PTPRG: variants seen among roughly 807,000 people sequenced by gnomAD.
PTPRG encodes the protein receptor-type tyrosine-protein phosphatase gamma.
In PTPRG, 102 loss-of-function variants were observed where a neutral mutation model predicts 165.3. The ratio of observed to expected loss-of-function variants is 0.62; its 90% CI spans 0.53 to 0.73. PTPRG has a LOEUF of 0.73. PTPRG is among the 30% of genes least tolerant of loss of function. The pLI, the probability that PTPRG is intolerant of heterozygous loss-of-function variation, is 0.00. For missense variants in PTPRG, 1,866 were observed against 1,861.4 expected, an observed-to-expected ratio of 1.00 and a Z score of -0.05; for synonymous variants, 675 against 669.5, an observed-to-expected ratio of 1.01 and a Z score of -0.13.
At chr3:61,629,214 G>C (rs1356178167) in intron 1 of PTPRG, among the ~76,000 whole-genome samples, 1 of 152,078 alleles carries the variant, frequency 6.6e-6, no homozygotes, top group African/African-American at 2.4e-5. Context: ...GAGTGCAATG[G>C]CGCAATTTCA....
In PTPRG at chr3:62,179,470, A is replaced by G. The variant is rs183816600; in HGVS notation, c.1033+11307A>G. Among the ~76,000 whole-genome samples, 513 of 152,356 alleles carry G rather than the reference A, an allele frequency of 3.4e-3. 1 individual carries two copies. Among genetic ancestry groups the G allele is most frequent in the Non-Finnish European group, 5.9e-3 (403 of 68,036 alleles). On this transcript the variant is annotated intron_variant, in intron 8 of 29. Transcript: ENST00000474889. ...CAGGTATTATCAGGTGCACAGAGCT[A>G]TGCAATTCTTTGCTTCCGGGCTGGC...
chr3:61,765,039 A>G (rs13064778), intron 2 of PTPRG, among the ~76,000 whole-genome samples: 54 of 152,244 alleles, frequency 3.5e-4, no homozygotes, highest in Non-Finnish European at 7.3e-4. Flanking sequence ...AAGGCTCACC[A>G]GAATCCATCG....
intron 2 of PTPRG, among the ~76,000 whole-genome samples, chr3:61,755,199 G>T (rs1180234403): frequency 2.0e-5 from 3 of 152,082 alleles, no homozygotes; most frequent in Admixed American, 2.0e-4. Flanking sequence ...GTAGAGTTGG[G>T]GTTTCGCCCT....
At chr3:62,283,177 G>A (rs145273344) in intron 28 of PTPRG, among the ~76,000 whole-genome samples, 1 of 152,068 alleles carries the variant, frequency 6.6e-6, no homozygotes, top group Non-Finnish European at 1.5e-5. Flanking sequence ...TAACAAATGA[G>A]TAAATTAATA....
At chr3:61,678,313 C>T (rs139845757) in intron 1 of PTPRG, among the ~76,000 whole-genome samples, 10 of 152,230 alleles carry the variant, frequency 6.6e-5, no homozygotes, top group African/African-American at 7.2e-5. Context: ...ATGAAGGAAG[C>T]GATAGATATT....
At chr3:62,102,796 T>G (rs1465576547) in intron 5 of PTPRG, among the ~76,000 whole-genome samples, 3 of 152,180 alleles carry the variant, frequency 2.0e-5, no homozygotes, top group Non-Finnish European at 1.5e-5. Flanking sequence ...ATCAGGAGCA[T>G]TGGTTAGGAA....
intron 1 of PTPRG, among the ~76,000 whole-genome samples, chr3:61,653,650 G>A (rs933100558): frequency 2.6e-5 from 4 of 152,102 alleles, no homozygotes; most frequent in Admixed American, 2.6e-4. Context: ...TCTTTGTTTT[G>A]TTAGGATTCG....
At chr3:61,655,943 T>G (rs1702496620) in intron 1 of PTPRG, among the ~76,000 whole-genome samples, 1 of 152,076 alleles carries the variant, frequency 6.6e-6, no homozygotes, top group South Asian at 2.1e-4. Flanking sequence ...TCAGACTCAG[T>G]GGCTTATACC....
At chr3:62,100,630 G>A (rs1288966943) in intron 5 of PTPRG, among the ~76,000 whole-genome samples, 3 of 152,160 alleles carry the variant, frequency 2.0e-5, no homozygotes, top group Admixed American at 6.5e-5. Flanking sequence ...GAAGCACACA[G>A]GAATGTATGA....
chr3:61,566,025 T>C (rs1020686624), intron 1 of PTPRG, among the ~76,000 whole-genome samples: 1 of 152,184 alleles, frequency 6.6e-6, no homozygotes, highest in East Asian at 1.9e-4. Context: ...GACACAGTTA[T>C]GGAATAAAAT....
chr3:61,950,905 G>A lies in PTPRG; in HGVS notation c.191-38720G>A, dbSNP rs148783517. 3.1e-3 allele frequency among the ~76,000 whole-genome samples: 468 copies of A among 152,302 alleles called. 1 individual carries two copies. Among genetic ancestry groups the A allele is most frequent in the African/African-American group, 0.011 (452 of 41,560 alleles). ...CGGGATTTCTGGAAAAACTCATGGG[G>A]ATTTTGCAGTAATCCTATGTCCTGT... is the stretch of plus-strand genomic sequence containing the variant. On this transcript the variant is annotated intron_variant, in intron 2 of 29. Coordinates refer to ENST00000474889, the MANE Select transcript of PTPRG (RefSeq NM_002841.4).
chr3:62,281,749 G>C (rs1323788226), intron 27 of PTPRG, 40 bp downstream of exon 27: 1 of 1,546,728 alleles, frequency 6.5e-7, no homozygotes, highest in Non-Finnish European at 8.7e-7. Flanking sequence ...GCCATACCTG[G>C]GCCCTGGATC....
At chr3:61,650,956 C>A (rs1031268147) in intron 1 of PTPRG, among the ~76,000 whole-genome samples, 3 of 152,054 alleles carry the variant, frequency 2.0e-5, no homozygotes, top group Non-Finnish European at 4.4e-5. Flanking sequence ...GCAATTTGAA[C>A]CTATATTTTT....
chr3:62,057,811 A>G (rs1700682069), intron 4 of PTPRG, among the ~76,000 whole-genome samples: 1 of 152,194 alleles, frequency 6.6e-6, no homozygotes, highest in Admixed American at 6.5e-5. Flanking sequence ...TTTAAGACTC[A>G]GAAAACTCAG....
chr3:62,259,591 G>A (rs116472934), intron 16 of PTPRG, among the ~76,000 whole-genome samples: 1,717 of 152,220 alleles, frequency 0.011, 35 homozygotes, highest in African/African-American at 0.039. Context: ...TAAGAAAAAC[G>A]TTTTTAAACG....
rs1323100472 is a variant in PTPRG at position 62,157,216 on chromosome 3, T to TA, written c.833dup (p.Tyr278Ter). The change falls in exon 7 of 30, where the codon TAC becomes TAAC. Residue 278 changes from tyrosine (Y) to a stop codon, truncating the protein, a stop_gained and frameshift_variant. Transcript: ENST00000474889. LOFTEE classifies it high-confidence loss of function. The stretch of plus-strand genomic sequence containing the variant: ...CTTCCGGAGACCCGTCCCCATCTCT[T>TA]ACCATCAGGTAGATATTCTTCCTCA... ...IVFRRPVPIS[Y>*]HQLEAFYSIF... 6.2e-7 allele frequency: 1 copy of TA among 1,613,380 alleles called. No homozygotes were observed. The highest frequency in any genetic ancestry group is 8.5e-7 in the Non-Finnish European group (1 of 1,179,434).
chr3:61,919,564 G>T (rs79599113), intron 2 of PTPRG, among the ~76,000 whole-genome samples: 1 of 152,150 alleles, frequency 6.6e-6, no homozygotes, highest in Non-Finnish European at 1.5e-5. Context: ...TCACAATCCA[G>T]TAGGGGTCAC....
chr3:61,951,226 G>A (rs993360022), intron 2 of PTPRG, among the ~76,000 whole-genome samples: 4 of 152,152 alleles, frequency 2.6e-5, no homozygotes, highest in African/African-American at 9.7e-5. Context: ...TACTAGAATT[G>A]GAAGTGGCAA....
intron 2 of PTPRG, among the ~76,000 whole-genome samples, chr3:61,976,717 C>G (rs923864397): frequency 1.3e-5 from 2 of 151,430 alleles, no homozygotes; most frequent in African/African-American, 4.9e-5. Flanking sequence ...GTGTCTTGCC[C>G]AGGCTGGCAT....
Sources: gnomAD v4.1 joint callset for allele counts (sites outside exome capture counted in the v4.1 genomes callset) on GRCh38, gnomAD v4.1.1 for gene constraint, MANE v1.5 for transcripts, NCBI Gene and HGNC (gene_info 2026-07-23, HGNC 2026-07-21) for gene names.